The following FAM13A variants were observed in gnomAD, a reference collection of about 807,000 sequenced individuals.
FAM13A encodes the protein protein FAM13A.
A neutral mutation model predicts 129.6 loss-of-function variants in FAM13A; 76 were observed. That is an observed-to-expected ratio of 0.59 (90% CI 0.49 to 0.71). The LOEUF (loss-of-function observed/expected upper bound fraction) is 0.71, where lower values mean the gene tolerates loss of function less well. Ranked by LOEUF, FAM13A falls within the 30% of genes least tolerant of loss-of-function variation. The pLI is 0.00. For missense variants in FAM13A, 1,108 were observed against 1,249.3 expected (o/e 0.89, Z 1.70); for synonymous variants, 443 against 449.9 (o/e 0.98, Z 0.20).
chr4:89,033,331 T>C (rs1006511726), intron 1 of FAM13A, among the ~76,000 whole-genome samples: 1 of 152,220 alleles, frequency 6.6e-6, no homozygotes, highest in Non-Finnish European at 1.5e-5. Context: ...CATTAAATCC[T>C]ATAAAAAAGA....
intron 14 of FAM13A, among the ~76,000 whole-genome samples, chr4:88,756,263 C>T (rs1488167474): frequency 6.6e-6 from 1 of 152,174 alleles, no homozygotes; most frequent in East Asian, 1.9e-4. Context: ...CATGACCAGA[C>T]TCGGATCCTA....
chr4:88,896,143 C>G (rs1379287327), intron 6 of FAM13A, among the ~76,000 whole-genome samples: 2 of 151,698 alleles, frequency 1.3e-5, no homozygotes, highest in East Asian at 3.9e-4. Flanking sequence ...AATTGGAAAT[C>G]ATCATTCTCA....
chr4:88,876,674 C>CG (rs1193546805), intron 6 of FAM13A, among the ~76,000 whole-genome samples: 2 of 152,106 alleles, frequency 1.3e-5, no homozygotes, highest in Admixed American at 6.5e-5. Flanking sequence ...TCACTGCAAG[C>CG]TCTGCCTCCC....
chr4:88,996,713 G>A lies in FAM13A; in HGVS notation c.428-5563C>T, dbSNP rs72874198. Among the ~76,000 whole-genome samples, 798 of 152,156 alleles carry A rather than the reference G, an allele frequency of 5.2e-3. 7 individuals carry two copies. Among genetic ancestry groups the A allele is most frequent in the African/African-American group, 0.018 (764 of 41,504 alleles). The stretch of plus-strand genomic sequence containing the variant: ...TAGAGATTATAAATAAGATTGCCAG[G>A]AAGGTCTCCTTGAAATGTAGTTGAT... On this transcript the variant is annotated intron_variant, in intron 3 of 23. Coordinates refer to ENST00000264344, the MANE Select transcript of FAM13A (RefSeq NM_014883.4).
chr4:88,877,518 C>T (rs907569134), intron 6 of FAM13A, among the ~76,000 whole-genome samples: 3 of 152,102 alleles, frequency 2.0e-5, no homozygotes, highest in African/African-American at 7.2e-5. Context: ...AAAATGCTTG[C>T]AAAATTTGAA....
In FAM13A at chr4:89,012,624, T is replaced by G. The variant is rs1157114844; in HGVS notation, c.427+7836A>C. Among the ~76,000 whole-genome samples the G allele has an allele frequency of 5.3e-5, 8 of 152,200 alleles. 1 individual carries two copies. Among genetic ancestry groups the G allele is most frequent in the Non-Finnish European group, 1.0e-4 (7 of 68,030 alleles). On this transcript the variant is annotated intron_variant, in intron 3 of 23. Coordinates refer to ENST00000264344, the MANE Select transcript of FAM13A (RefSeq NM_014883.4). ...TAGAAATGAATGAATTTAAACAGTT[T>G]TCTCCCATGGAGGGCCACTGTTCAT...
At chr4:88,890,957 C>A (rs1745214605) in intron 6 of FAM13A, among the ~76,000 whole-genome samples, 1 of 151,946 alleles carries the variant, frequency 6.6e-6, no homozygotes, top group African/African-American at 2.4e-5. Flanking sequence ...GACCTATATC[C>A]ATAAAAGAAA....
Position 88,798,863 on chromosome 4 carries a change from G to A in FAM13A, c.1049+6148C>T, listed in dbSNP as rs1308842162. On this transcript the variant is annotated intron_variant, in intron 8 of 23. Transcript: ENST00000264344. The stretch of plus-strand genomic sequence containing the variant: ...AAGTCCACAGAGAGGCAGGGAAACT[G>A]AGGAATGAAGTAACAAGAGACCTAG... Among the ~76,000 whole-genome samples the A allele has an allele frequency of 3.9e-5, 6 of 152,084 alleles. No homozygotes were observed. In the South Asian group the frequency reaches 1.0e-3, roughly 26 times the overall value.
intron 15 of FAM13A, 117 bp downstream of exon 15, chr4:88,750,307 T>C: frequency 2.5e-6 from 2 of 806,978 alleles, no homozygotes; most frequent in African/African-American, 1.7e-5. Flanking sequence ...ATTTCAAATA[T>C]GTTGCTCCAT....
chr4:88,853,222 A>G (rs1344999342), intron 6 of FAM13A, among the ~76,000 whole-genome samples: 1 of 152,190 alleles, frequency 6.6e-6, no homozygotes, highest in Non-Finnish European at 1.5e-5. Context: ...TGACTTTTTT[A>G]TTGACAAAAA....
intron 8 of FAM13A, among the ~76,000 whole-genome samples, chr4:88,800,031 A>G (rs1240812402): frequency 6.6e-6 from 1 of 152,238 alleles, no homozygotes; most frequent in Non-Finnish European, 1.5e-5. Flanking sequence ...AGGTATGCTA[A>G]GTAAAATATG....
intron 5 of FAM13A, among the ~76,000 whole-genome samples, chr4:88,933,054 T>C (rs1173612275): frequency 6.6e-6 from 1 of 152,126 alleles, no homozygotes; most frequent in Non-Finnish European, 1.5e-5. Context: ...GATTTCCCAG[T>C]CCAATGATAT....
At chr4:88,767,883 T>A in intron 12 of FAM13A, 100 bp downstream of exon 12, 1 of 774,442 alleles carries the variant, frequency 1.3e-6, no homozygotes, top group Non-Finnish European at 2.2e-6. Flanking sequence ...TATAGTCCTT[T>A]AATTCCATTC....
intron 6 of FAM13A, among the ~76,000 whole-genome samples, chr4:88,901,094 C>G (rs2150208166): frequency 1.3e-5 from 2 of 152,282 alleles, no homozygotes; most frequent in South Asian, 4.1e-4. Flanking sequence ...GAATAGCTAA[C>G]TATCCTAAAT....
Position 88,892,173 on chromosome 4 carries a change from C to CTTT in FAM13A, c.843+14203_843+14205dup, listed in dbSNP as rs1183640454. On this transcript the variant is annotated intron_variant, in intron 6 of 23. Transcript: ENST00000264344. ...TGGGCCAGACAGAGCAAGATCCTGT[C>CTTT]TTTTTTTTTTTTTTTTTTTTTTTTG... Among the ~76,000 whole-genome samples, 127 of 67,940 alleles carry CTTT rather than the reference C, an allele frequency of 1.9e-3. 2 individuals are homozygous for CTTT. The highest frequency in any genetic ancestry group is 6.9e-3 in the African/African-American group (113 of 16,264). 44.6% of individuals were successfully genotyped at this position (67,940 alleles called of 152,430 possible).
chr4:88,957,305 CAT>C lies in FAM13A; in HGVS notation c.606-19066_606-19065del, dbSNP rs1483558343. ...GATTGCACCACTGCACTCCAGCCTG[CAT>C]GACAGAGCGAGACTCTGTCTCAAAA... On this transcript the variant is annotated intron_variant, in intron 4 of 23. Transcript: ENST00000264344. 6.6e-5 allele frequency among the ~76,000 whole-genome samples: 10 copies of C among 151,804 alleles called. No individual in the cohort carries two copies. In the East Asian group the frequency reaches 1.9e-3, roughly 30 times the overall value.
chr4:88,737,528 G>C lies in FAM13A; in HGVS notation c.2590C>G (p.Pro864Ala), dbSNP rs1440018482. 2 of 1,614,066 alleles carry C rather than the reference G, an allele frequency of 1.2e-6. No homozygotes were observed. Among genetic ancestry groups the C allele is most frequent in the Admixed American group, 3.3e-5 (2 of 60,016 alleles). The change falls in exon 21 of 24, where the codon CCT (proline) becomes GCT (alanine). Residue 864 changes from proline (P) to alanine (A), a missense_variant. Pro to Ala is a conservative substitution (Grantham distance 27). This residue lies in a region of FAM13A where 529 missense variants were observed against 621.2 expected (regional missense o/e 0.85). Transcript: ENST00000264344. The stretch of plus-strand genomic sequence containing the variant: ...CCCTCGATAATTGGCTGCAGCAAAG[G>C]GCTTCTCCGCTTGCTGGAGGGGGAA... ...IGSPSSKRRS[P>A]LLQPIIEGET...
intron 6 of FAM13A, among the ~76,000 whole-genome samples, chr4:88,874,038 C>A (rs1425245936): frequency 1.3e-5 from 2 of 152,118 alleles, no homozygotes; most frequent in Admixed American, 6.5e-5. Context: ...AAGACAAAAC[C>A]ACATGATTAT....
intron 3 of FAM13A, among the ~76,000 whole-genome samples, chr4:88,995,585 T>C (rs974910799): frequency 1.3e-5 from 2 of 152,148 alleles, no homozygotes; most frequent in Non-Finnish European, 2.9e-5. Flanking sequence ...TCTTGGACCC[T>C]TGTATTTTCC....
Sources: allele counts gnomAD v4.1 joint callset (sites outside exome capture counted in the v4.1 genomes callset), GRCh38; gene constraint gnomAD v4.1.1; regional missense constraint gnomAD v4.1.1; transcripts MANE v1.5; gene names NCBI Gene and HGNC (gene_info 2026-07-23, HGNC 2026-07-21).